Variants in CSMD1 observed in about 807,000 individuals in gnomAD.
CSMD1 encodes the protein CUB and sushi domain-containing protein 1.
CSMD1 carries 213 observed loss-of-function variants against 417.5 expected under a neutral mutation model. That is an observed-to-expected ratio of 0.51 (90% confidence interval 0.46 to 0.57). The LOEUF (loss-of-function observed/expected upper bound fraction) is 0.57. Among genes scored for constraint, CSMD1 ranks in the 20% least tolerant of loss-of-function variants. CSMD1 has a pLI of 0.00. For synonymous variants in CSMD1, 2,862 were observed against 1,736.8 expected (o/e 1.65, Z -16.11); for missense variants, 6,923 against 4,529.7 (o/e 1.53, Z -15.17).
In CSMD1 at chr8:4,043,704, T is replaced by A. The variant is rs377026457; in HGVS notation, c.416-11605A>T. Reference sequence around the variant, plus strand: ...TATTTCAGTGTTCTGAATTACACATTCAATTACCTTAAAATAAGATTTATT... The same window carrying A: ...TATTTCAGTGTTCTGAATTACACATACAATTACCTTAAAATAAGATTTATT... On this transcript the variant is annotated intron_variant, in intron 3 of 69. Coordinates refer to ENST00000635120, the MANE Select transcript of CSMD1 (RefSeq NM_033225.6). Among the ~76,000 whole-genome samples the A allele has an allele frequency of 7.9e-5, 12 of 152,282 alleles. No individual in the cohort carries two copies. In the East Asian group the frequency reaches 1.5e-3, roughly 20 times the overall value.
intron 3 of CSMD1, among the ~76,000 whole-genome samples, chr8:4,147,891 G>A (rs1306837035): frequency 6.6e-6 from 1 of 152,130 alleles, no homozygotes; most frequent in Non-Finnish European, 1.5e-5. Flanking sequence ...GGCTGCATGT[G>A]ATTCTTCTCA....
At chr8:2,994,829 A>G (rs1806735306) in intron 54 of CSMD1, among the ~76,000 whole-genome samples, 1 of 152,228 alleles carries the variant, frequency 6.6e-6, no homozygotes, top group Non-Finnish European at 1.5e-5. Context: ...ATAAATTACC[A>G]TATTAAAACC....
At chr8:3,449,240 T>A (rs1420954342) in intron 12 of CSMD1, among the ~76,000 whole-genome samples, 1 of 152,212 alleles carries the variant, frequency 6.6e-6, no homozygotes, top group Non-Finnish European at 1.5e-5. Context: ...TAGAGGGAAG[T>A]TAAAATTAAA....
At chr8:4,930,749 G>A (rs985760344) in intron 1 of CSMD1, among the ~76,000 whole-genome samples, 2 of 152,118 alleles carry the variant, frequency 1.3e-5, no homozygotes, top group African/African-American at 4.8e-5. Flanking sequence ...AAGGTTACCA[G>A]GTGCTAGAAA....
chr8:4,234,005 G>C (rs185667293), intron 3 of CSMD1, among the ~76,000 whole-genome samples: 4 of 152,232 alleles, frequency 2.6e-5, no homozygotes, highest in East Asian at 3.9e-4. Context: ...CCTTCTGCCT[G>C]AGAGGTTCTG....
Position 2,955,702 on chromosome 8 carries a change from A to G in CSMD1, c.9881T>C (p.Phe3294Ser), listed in dbSNP as rs746336407. The G allele has an allele frequency of 1.9e-6, 3 of 1,613,926 alleles. No individual in the cohort carries two copies. ...ADVRAIDLPT[F>S]GYTLVYTCHP... ...GCAGGTGTACACTAAGGTGTAGCCG[A>G]AAGTAGGAAGATCGATGGCTCTCAC... Residue 3294 changes from phenylalanine (F) to serine (S), a missense_variant, in exon 64 of 70, where the codon TTC (phenylalanine) becomes TCC (serine). Coordinates refer to ENST00000635120, the MANE Select transcript of CSMD1 (RefSeq NM_033225.6).
chr8:3,311,128 G>C (rs977153018), intron 23 of CSMD1, among the ~76,000 whole-genome samples: 15 of 152,100 alleles, frequency 9.9e-5, no homozygotes, highest in Admixed American at 9.2e-4. Flanking sequence ...AATTCACCTA[G>C]CTTACCATAA....
intron 1 of CSMD1, among the ~76,000 whole-genome samples, chr8:4,968,841 G>A (rs141405219): frequency 1.3e-5 from 2 of 152,068 alleles, no homozygotes; most frequent in Admixed American, 6.6e-5. Flanking sequence ...AGAAGATTAG[G>A]ATCTACTGCA....
intron 1 of CSMD1, among the ~76,000 whole-genome samples, chr8:4,768,894 A>T (rs1021834785): frequency 9.9e-5 from 15 of 152,170 alleles, no homozygotes; most frequent in African/African-American, 3.6e-4. Context: ...TTCCTAGCCG[A>T]GTCTTCCAGC....
chr8:3,734,358 A>G (rs1796418079), intron 6 of CSMD1, among the ~76,000 whole-genome samples: 1 of 152,226 alleles, frequency 6.6e-6, no homozygotes, highest in Non-Finnish European at 1.5e-5. Context: ...GTTCGACAGC[A>G]TCGTAGAAAA....
intron 3 of CSMD1, among the ~76,000 whole-genome samples, chr8:4,153,527 C>G (rs1339092462): frequency 1.3e-5 from 2 of 152,312 alleles, no homozygotes; most frequent in East Asian, 3.9e-4. Context: ...TACAAAGCAC[C>G]AGCTGGTCCC....
chr8:4,017,533 C>T (rs949443268), intron 4 of CSMD1, among the ~76,000 whole-genome samples: 8 of 152,032 alleles, frequency 5.3e-5, no homozygotes, highest in Non-Finnish European at 1.2e-4. Context: ...CTCGAACTCC[C>T]GATCTCAGAT....
intron 7 of CSMD1, among the ~76,000 whole-genome samples, chr8:3,685,034 A>G (rs1207398903): frequency 1.3e-5 from 2 of 152,180 alleles, no homozygotes; most frequent in Admixed American, 1.3e-4. Context: ...AAGGATCAGC[A>G]TCATCCAAGC....
At chr8:3,098,757 C>G (rs887627730) in intron 46 of CSMD1, among the ~76,000 whole-genome samples, 1 of 152,010 alleles carries the variant, frequency 6.6e-6, no homozygotes, top group African/African-American at 2.4e-5. Flanking sequence ...AGGCTAGGAC[C>G]TCAAGTTTTA....
At chr8:4,427,424 G>C (rs1797626162) in intron 2 of CSMD1, among the ~76,000 whole-genome samples, 1 of 151,864 alleles carries the variant, frequency 6.6e-6, no homozygotes, top group African/African-American at 2.4e-5. Flanking sequence ...AACTCTCTTG[G>C]ACTTAGATAC....
At chr8:3,177,568 C>T (rs186008296) in intron 37 of CSMD1, among the ~76,000 whole-genome samples, 1 of 152,270 alleles carries the variant, frequency 6.6e-6, no homozygotes, top group Admixed American at 6.5e-5. Context: ...AAAATTCTTC[C>T]CTAATAAGCC....
intron 10 of CSMD1, among the ~76,000 whole-genome samples, chr8:3,535,306 C>A (rs140663833): frequency 6.6e-6 from 1 of 151,972 alleles, no homozygotes; most frequent in African/African-American, 2.4e-5. Flanking sequence ...AGCTTTTGGC[C>A]GTACTTTCTA....
chr8:3,285,493 T>G (rs1803080067), intron 25 of CSMD1, among the ~76,000 whole-genome samples: 1 of 151,932 alleles, frequency 6.6e-6, no homozygotes, highest in Admixed American at 6.6e-5. Flanking sequence ...TTCAAGTGAT[T>G]CTCCTGCCTC....
intron 52 of CSMD1, among the ~76,000 whole-genome samples, chr8:3,011,721 T>C (rs963768787): frequency 3.3e-5 from 5 of 152,194 alleles, no homozygotes; most frequent in African/African-American, 7.2e-5. Context: ...AGAGGTAACA[T>C]AGTGGAGAGA....
Sources: allele counts gnomAD v4.1 joint callset (sites outside exome capture counted in the v4.1 genomes callset), GRCh38; gene constraint gnomAD v4.1.1; transcripts MANE v1.5; gene names NCBI Gene and HGNC (gene_info 2026-07-23, HGNC 2026-07-21).